The following XKR9 variants were observed in gnomAD, a reference collection of about 807,000 sequenced individuals.
The protein encoded by XKR9 is XK related 9.
Under a neutral mutation model 32.0 loss-of-function variants are expected in XKR9, and 32 were observed. That is an observed-to-expected ratio of 1.00 (90% confidence interval 0.76 to 1.34). The LOEUF (loss-of-function observed/expected upper bound fraction) is 1.34. XKR9 is among the 40% of genes most tolerant of loss of function. XKR9 has a pLI of 0.00. For synonymous variants in XKR9, 168 were observed against 143.4 expected (o/e 1.17, Z -1.22); for missense variants, 546 against 429.7 (o/e 1.27, Z -2.39).
chr8:70,691,363 T>G (rs1450331216), intron 3 of XKR9, among the ~76,000 whole-genome samples: 2 of 152,178 alleles, frequency 1.3e-5, no homozygotes, highest in African/African-American at 2.4e-5. Context: ...TTGTAGGTTG[T>G]TTGTTTACTC....
chr8:70,849,916 C>A, the XKR9 span, among the ~76,000 whole-genome samples: 1 of 151,580 alleles, frequency 6.6e-6, no homozygotes, highest in Non-Finnish European at 1.5e-5. Context: ...AAAACAAAAC[C>A]AGGAAGAAGT....
the XKR9 span, among the ~76,000 whole-genome samples, chr8:70,909,390 A>G: frequency 6.6e-6 from 1 of 152,138 alleles, no homozygotes; most frequent in Non-Finnish European, 1.5e-5. Flanking sequence ...AAAATGCAGC[A>G]ATATTCTCTA....
chr8:70,791,325 G>A (rs1189793152), downstream of XKR9, among the ~76,000 whole-genome samples: 1 of 150,664 alleles, frequency 6.6e-6, no homozygotes, highest in Admixed American at 6.6e-5. Context: ...AAAAAAAAAA[G>A]AATGGGTCTT....
At chr8:71,009,916 G>A in the XKR9 span, among the ~76,000 whole-genome samples, 1 of 152,306 alleles carries the variant, frequency 6.6e-6, no homozygotes, top group African/African-American at 2.4e-5. Flanking sequence ...ATTTTGCACT[G>A]TGTTGAGGTT....
At chr8:70,685,386 C>A (rs1210611648) in intron 3 of XKR9, among the ~76,000 whole-genome samples, 1 of 143,106 alleles carries the variant, frequency 7.0e-6, no homozygotes, top group African/African-American at 2.6e-5. Context: ...AGGAGATATA[C>A]CTAATGCTAA....
the XKR9 span, among the ~76,000 whole-genome samples, chr8:71,010,580 C>T: frequency 5.9e-5 from 9 of 152,128 alleles, no homozygotes; most frequent in African/African-American, 2.2e-4. Context: ...GGATTTCTTT[C>T]TAGGCCAACA....
At chr8:70,756,984 T>C (rs1408042705) in intron 2 of XKR9, among the ~76,000 whole-genome samples, 1 of 152,248 alleles carries the variant, frequency 6.6e-6, no homozygotes, top group African/African-American at 2.4e-5. Context: ...TGGATATTTA[T>C]AGATGCTCTT....
chr8:70,797,203 G>C, the XKR9 span, among the ~76,000 whole-genome samples: 2 of 151,904 alleles, frequency 1.3e-5, no homozygotes, highest in African/African-American at 4.8e-5. Flanking sequence ...TCAGAGTGAG[G>C]GGTGTGCGCA....
At chr8:71,026,529 G>C in the XKR9 span, among the ~76,000 whole-genome samples, 1 of 152,198 alleles carries the variant, frequency 6.6e-6, no homozygotes, top group Non-Finnish European at 1.5e-5. Context: ...TGTCCTGGGA[G>C]TCCAGAGTGC....
At chr8:71,006,858 A>G in the XKR9 span, among the ~76,000 whole-genome samples, 1,840 of 152,322 alleles carry the variant, frequency 0.012, 13 homozygotes, top group Non-Finnish European at 0.021. Flanking sequence ...GAGGAGTTTT[A>G]GACACTAAGA....
At chr8:70,837,396 G>A in the XKR9 span, among the ~76,000 whole-genome samples, 1 of 152,040 alleles carries the variant, frequency 6.6e-6, no homozygotes, top group Non-Finnish European at 1.5e-5. Flanking sequence ...CCTGGCATAG[G>A]AAACCCTATA....
chr8:70,685,244 A>G (rs1819224218), intron 3 of XKR9, among the ~76,000 whole-genome samples: 1 of 148,032 alleles, frequency 6.8e-6, no homozygotes, highest in African/African-American at 2.5e-5. Flanking sequence ...CTATCACAAG[A>G]ACAAAAAACC....
chr8:71,060,407 G>A, the XKR9 span, among the ~76,000 whole-genome samples: 1 of 152,192 alleles, frequency 6.6e-6, no homozygotes, highest in Non-Finnish European at 1.5e-5. Context: ...AGGTGCGGGT[G>A]TCCTCATCCC....
chr8:70,802,917 T>A, the XKR9 span, among the ~76,000 whole-genome samples: 2 of 152,234 alleles, frequency 1.3e-5, no homozygotes, highest in African/African-American at 2.4e-5. Context: ...GATAATCTGA[T>A]GACAATGTGG....
At chr8:70,943,927 C>T in the XKR9 span, among the ~76,000 whole-genome samples, 11 of 151,910 alleles carry the variant, frequency 7.2e-5, no homozygotes, top group Non-Finnish European at 1.6e-4. Context: ...GGTTAAATTA[C>T]TTATTAAGTA....
chr8:70,896,288 T>G, the XKR9 span, among the ~76,000 whole-genome samples: 7 of 152,328 alleles, frequency 4.6e-5, no homozygotes, highest in South Asian at 1.5e-3. Context: ...TTAATATTGT[T>G]TGTTCCATAA....
intron 2 of XKR9, among the ~76,000 whole-genome samples, chr8:70,745,176 G>A (rs1025504930): frequency 7.6e-6 from 1 of 131,200 alleles, no homozygotes; most frequent in Non-Finnish European, 1.8e-5. Flanking sequence ...TAAATGGGAA[G>A]ATCCTGGTCA....
At chr8:70,702,807 C>G (rs904503675) in intron 3 of XKR9, among the ~76,000 whole-genome samples, 5 of 151,932 alleles carry the variant, frequency 3.3e-5, no homozygotes, top group Non-Finnish European at 5.9e-5. Flanking sequence ...AAAGAGAGTC[C>G]CTTCTAAAAC....
At chr8:70,936,906 A>G in the XKR9 span, among the ~76,000 whole-genome samples, 3 of 152,090 alleles carry the variant, frequency 2.0e-5, no homozygotes, top group Non-Finnish European at 4.4e-5. Context: ...CTTTTAAAAA[A>G]TGTACTGTCT....
Sources: gnomAD v4.1 joint callset for allele counts (sites outside exome capture counted in the v4.1 genomes callset) on GRCh38, gnomAD v4.1.1 for gene constraint, MANE v1.5 for transcripts, NCBI Gene and HGNC (gene_info 2026-07-23, HGNC 2026-07-21) for gene names.